Variants in BBS2 observed in about 807,000 individuals in gnomAD.
BBS2 encodes the protein Bardet-Biedl syndrome 2.
BBS2 carries 62 observed loss-of-function variants against 83.0 expected under a neutral mutation model. The ratio of observed to expected loss-of-function variants is 0.75; its 90% CI spans 0.61 to 0.92. The LOEUF (loss-of-function observed/expected upper bound fraction) is 0.92, where lower values mean the gene tolerates loss of function less well. BBS2 is among the 40% of genes least tolerant of loss of function. The pLI, the probability that BBS2 is intolerant of heterozygous loss-of-function variation, is 0.00. For synonymous variants in BBS2, 303 were observed against 326.1 expected (o/e 0.93, Z 0.76); for missense variants, 784 against 901.0 (o/e 0.87, Z 1.66).
At chr16:56,477,449 C>G (rs1963534802) in intron 17 of BBS2, 1 of 152,260 alleles carries the variant, frequency 6.6e-6, no homozygotes, top group Non-Finnish European at 1.5e-5. Context: ...CACTGCCTTT[C>G]CATCCTGCAA....
chr16:56,507,993 G>C (rs1443354125), intron 5 of BBS2, among the ~76,000 whole-genome samples: 4 of 151,960 alleles, frequency 2.6e-5, no homozygotes, highest in Non-Finnish European at 5.9e-5. Flanking sequence ...ATAAAAAACA[G>C]ACTCCCTGTA....
At position 56,502,381 on chromosome 16, in the gene BBS2, C is replaced by A; in HGVS notation, c.1016G>T (p.Arg339Leu). 1.9e-6 allele frequency: 3 copies of A among 1,614,236 alleles called. No individual in the cohort carries two copies. The highest frequency in any genetic ancestry group is 2.5e-6 in the Non-Finnish European group (3 of 1,180,038). The stretch of plus-strand genomic sequence containing the variant: ...ATTCTGCTTCTTCTGACTCAGCTCT[C>A]GGATCAGGTCCTGCTCTGCACTGGT... ...MDTSAEQDLI[R>L]ELSQKKQNLL... Residue 339 changes from arginine (R) to leucine (L), a missense_variant, in exon 9 of 17, where the codon CGA becomes CTA. Physicochemically the swap from Arg to Leu is moderately radical, Grantham distance 102 (BLOSUM62 -2). Transcript: ENST00000245157.
At chr16:56,505,381 A>T (rs1964394678) in intron 7 of BBS2, among the ~76,000 whole-genome samples, 1 of 152,208 alleles carries the variant, frequency 6.6e-6, no homozygotes, top group Admixed American at 6.5e-5. Flanking sequence ...ACTGACAGAC[A>T]AGAAAGCGAG....
intron 5 of BBS2, among the ~76,000 whole-genome samples, chr16:56,508,518 C>G (rs1964487596): frequency 6.6e-6 from 1 of 152,064 alleles, no homozygotes; most frequent in Non-Finnish European, 1.5e-5. Flanking sequence ...CTTGCCCAAT[C>G]CTGGAAAACC....
At chr16:56,484,241 T>A (rs1001052324), downstream of BBS2, 2 of 156,158 alleles carry the variant, frequency 1.3e-5, no homozygotes, top group African/African-American at 5.0e-5. Flanking sequence ...CTCCTGACCT[T>A]ATGATCCGCC....
intron 1 of BBS2, among the ~76,000 whole-genome samples, chr16:56,515,731 G>A (rs527410965): frequency 9.9e-5 from 15 of 152,238 alleles, no homozygotes; most frequent in South Asian, 2.1e-4. Context: ...CATAGAAAAC[G>A]TGCAGCCACT....
At chr16:56,489,922 A>AT (rs1452043490) in intron 15 of BBS2, among the ~76,000 whole-genome samples, 2 of 151,910 alleles carry the variant, frequency 1.3e-5, no homozygotes, top group Non-Finnish European at 2.9e-5. Context: ...CCAGGAGTTC[A>AT]AGACCAGTCT....
chr16:56,499,616 T>A, intron 12 of BBS2, 162 bp downstream of exon 12: 8 of 886,520 alleles, frequency 9.0e-6, no homozygotes, highest in Non-Finnish European at 1.4e-5. Flanking sequence ...TTTAGCAATA[T>A]TTTTATTACA....
intron 15 of BBS2, among the ~76,000 whole-genome samples, chr16:56,489,481 G>A (rs1362616208): frequency 6.6e-6 from 1 of 151,960 alleles, no homozygotes; most frequent in Non-Finnish European, 1.5e-5. Context: ...TGAAATCATT[G>A]TAAGCATGAT....
At chr16:56,473,178 C>T (rs1446482770) in intron 17 of BBS2, among the ~76,000 whole-genome samples, 1 of 152,204 alleles carries the variant, frequency 6.6e-6, no homozygotes, top group African/African-American at 2.4e-5. Flanking sequence ...GATCCGCCCA[C>T]CCTGGCCTCC....
chr16:56,508,584 TAG>T (rs1158970663), intron 5 of BBS2, among the ~76,000 whole-genome samples: 1 of 152,172 alleles, frequency 6.6e-6, no homozygotes, highest in African/African-American at 2.4e-5. Context: ...AGGTAATCTT[TAG>T]ATAGTGCTTT....
At chr16:56,509,779 T>C in intron 5 of BBS2, 178 bp downstream of exon 5, 1 of 603,558 alleles carries the variant, frequency 1.7e-6, no homozygotes. Flanking sequence ...TATATCTTAA[T>C]TAGGATTTTT....
chr16:56,484,111 A>G (rs1488912219), downstream of BBS2, among the ~76,000 whole-genome samples: 1 of 151,070 alleles, frequency 6.6e-6, no homozygotes, highest in Admixed American at 6.6e-5. Flanking sequence ...GGTTCAAGCA[A>G]TTCTCCTGCC....
chr16:56,507,850 C>T (rs1964465553), intron 5 of BBS2, among the ~76,000 whole-genome samples: 1 of 152,112 alleles, frequency 6.6e-6, no homozygotes, highest in Admixed American at 6.5e-5. Context: ...TGCCTGTAAT[C>T]CCAGCTACTC....
intron 1 of BBS2, 25 bp downstream of exon 1, chr16:56,519,721 G>C (rs773310732): frequency 5.1e-6 from 8 of 1,579,074 alleles, no homozygotes; most frequent in Non-Finnish European, 7.0e-6. Flanking sequence ...TGGGGCCCGG[G>C]CTCCCTGCGG....
At chr16:56,505,698 T>C (rs1267254797) in intron 7 of BBS2, among the ~76,000 whole-genome samples, 6 of 152,192 alleles carry the variant, frequency 3.9e-5, no homozygotes, top group African/African-American at 1.4e-4. Context: ...GCACTTCAAA[T>C]AAGAGATTTA....
intron 14 of BBS2, chr16:56,497,320 A>C (rs1019467467): frequency 7.1e-6 from 4 of 564,238 alleles, no homozygotes; most frequent in Admixed American, 6.1e-5. Flanking sequence ...AGGAGCCCCC[A>C]CAACACACAT....
intron 2 of BBS2, 131 bp from the exon 3 acceptor site, chr16:56,511,415 CT>C: frequency 3.2e-6 from 4 of 1,263,022 alleles, no homozygotes; most frequent in South Asian, 1.2e-5. Context: ...GTGGGTGGGC[CT>C]CACACATTAA....
intron 7 of BBS2, among the ~76,000 whole-genome samples, chr16:56,503,466 C>T (rs1241542956): frequency 6.6e-5 from 10 of 152,112 alleles, no homozygotes; most frequent in Admixed American, 6.5e-4. Flanking sequence ...TTACAACAAC[C>T]CTGTTAAGAG....
Sources: gnomAD v4.1 joint callset for allele counts (sites outside exome capture counted in the v4.1 genomes callset) on GRCh38, gnomAD v4.1.1 for gene constraint, MANE v1.5 for transcripts, NCBI Gene and HGNC (gene_info 2026-07-23, HGNC 2026-07-21) for gene names.